The following NHERF2 variants were observed in gnomAD, a reference collection of about 807,000 sequenced individuals.
NHERF2 encodes the protein NHERF family PDZ scaffold protein 2, also known as Na(+)/H(+) exchange regulatory cofactor NHE-RF2.
the NHERF2 span, among the ~76,000 whole-genome samples, chr16:2,033,982 G>A: frequency 1.3e-5 from 2 of 152,184 alleles, no homozygotes; most frequent in African/African-American, 2.4e-5. Context: ...AGTGAAAGAC[G>A]GCTGCTTCTG....
At chr16:2,032,352 G>A in the NHERF2 span, among the ~76,000 whole-genome samples, 1 of 152,334 alleles carries the variant, frequency 6.6e-6, no homozygotes, top group Non-Finnish European at 1.5e-5. The surrounding 1 kb of genome is among the most constrained non-coding windows in gnomAD (Gnocchi z 4.0). Context: ...TGAGCTCCCA[G>A]CATGGGCAGG....
chr16:2,033,003 C>A, the NHERF2 span: 1 of 1,153,564 alleles, frequency 8.7e-7, no homozygotes, highest in Non-Finnish European at 1.1e-6. Context: ...CTGGCTCTTG[C>A]TCCTCTGGAG....
the NHERF2 span, chr16:2,038,413 C>A: frequency 7.5e-6 from 1 of 133,688 alleles, no homozygotes; most frequent in African/African-American, 2.7e-5. Flanking sequence ...CCCCCCCTTC[C>A]CCTCCCCCTT....
the NHERF2 span, chr16:2,033,510 C>T: frequency 2.1e-6 from 3 of 1,413,004 alleles, no homozygotes; most frequent in Non-Finnish European, 2.8e-6. Context: ...GGAGGGGACT[C>T]CGGGACCTTG....
At chr16:2,036,527 G>A in the NHERF2 span, 3 of 1,562,946 alleles carry the variant, frequency 1.9e-6, no homozygotes, top group South Asian at 3.5e-5. Context: ...AGGGCTGCGG[G>A]GTGCCGAGTG....
chr16:2,035,740 C>T, the NHERF2 span: 1 of 940,224 alleles, frequency 1.1e-6, no homozygotes, highest in South Asian at 4.9e-5. Flanking sequence ...TCCTTCCGGG[C>T]ACCAGGAGGC....
the NHERF2 span, among the ~76,000 whole-genome samples, chr16:2,028,676 C>A: frequency 6.6e-6 from 1 of 152,154 alleles, no homozygotes; most frequent in African/African-American, 2.4e-5. Context: ...GGGCCTGGCT[C>A]AGTCCCTCCT....
At chr16:2,038,398 A>AG in the NHERF2 span, 12 of 406,954 alleles carry the variant, frequency 2.9e-5, no homozygotes, top group South Asian at 8.5e-5. Flanking sequence ...TTAATACCAG[A>AG]GACCCCCCCC....
At chr16:2,036,455 C>T in the NHERF2 span, 1 of 1,603,398 alleles carries the variant, frequency 6.2e-7, no homozygotes, top group Non-Finnish European at 8.5e-7. Flanking sequence ...TGGACCCGGG[C>T]TCACCTGCCG....
chr16:2,036,632 C>T, the NHERF2 span: 10 of 1,548,734 alleles, frequency 6.5e-6, no homozygotes, highest in Admixed American at 3.5e-5. Flanking sequence ...CCTCGGTGGG[C>T]GGTGGCTGTG....
chr16:2,033,512 G>A, the NHERF2 span: 20 of 1,406,498 alleles, frequency 1.4e-5, no homozygotes, highest in South Asian at 2.6e-5. Flanking sequence ...AGGGGACTCC[G>A]GGACCTTGAT....
the NHERF2 span, chr16:2,027,008 G>A: frequency 2.6e-6 from 3 of 1,159,040 alleles, no homozygotes; most frequent in Non-Finnish European, 3.2e-6. Context: ...CGGGCGCCAT[G>A]GCCGCGCCGG....
At chr16:2,037,812 C>A in the NHERF2 span, 7 of 1,574,344 alleles carry the variant, frequency 4.4e-6, no homozygotes, top group Non-Finnish European at 6.0e-6. Context: ...CCCCACCCAC[C>A]GTGCTCACCC....
the NHERF2 span, chr16:2,037,604 T>C: frequency 1.8e-5 from 29 of 1,612,166 alleles, no homozygotes; most frequent in East Asian, 6.0e-4. Context: ...CACTGAGGTA[T>C]GGATGTTCTC....
the NHERF2 span, among the ~76,000 whole-genome samples, chr16:2,030,746 C>T: frequency 1.3e-5 from 2 of 151,492 alleles, no homozygotes; most frequent in African/African-American, 4.9e-5. Flanking sequence ...TTGAGACCAG[C>T]TTGACTAATG....
At chr16:2,030,278 C>T in the NHERF2 span, among the ~76,000 whole-genome samples, 1 of 152,178 alleles carries the variant, frequency 6.6e-6, no homozygotes, top group Admixed American at 6.5e-5. Flanking sequence ...GGCCACTCTG[C>T]CAGGCCTGGC....
chr16:2,027,415 G>A, the NHERF2 span, among the ~76,000 whole-genome samples: 1 of 152,204 alleles, frequency 6.6e-6, no homozygotes, highest in Admixed American at 6.5e-5. Flanking sequence ...GGGCATCCTG[G>A]CAGGGAGGGG....
chr16:2,029,329 TAAGGGC>T, the NHERF2 span, among the ~76,000 whole-genome samples: 14,859 of 150,920 alleles, frequency 0.098, 944 homozygotes, highest in Non-Finnish European at 0.14. Context: ...GACCCTGGGC[TAAGGGC>T]AAGGCTCTGG....
chr16:2,028,791 C>T, the NHERF2 span, among the ~76,000 whole-genome samples: 1 of 152,330 alleles, frequency 6.6e-6, no homozygotes, highest in Non-Finnish European at 1.5e-5. Context: ...TGCCCACTTC[C>T]CAGTGGGCAC....
Sources: allele counts gnomAD v4.1 joint callset (sites outside exome capture counted in the v4.1 genomes callset), GRCh38; gene constraint gnomAD v4.1.1; non-coding constraint Gnocchi (gnomAD v3.1); transcripts MANE v1.5; gene names NCBI Gene and HGNC (gene_info 2026-07-23, HGNC 2026-07-21).